The following SDCBP2 variants were observed in gnomAD, a reference collection of about 807,000 sequenced individuals.
SDCBP2 encodes the protein syntenin-2.
SDCBP2 carries 28 observed loss-of-function variants against 30.7 expected under a neutral mutation model. The observed-to-expected ratio is 0.91, with a 90% CI of 0.68 to 1.25. The LOEUF (loss-of-function observed/expected upper bound fraction) is 1.25. Ranked by LOEUF, SDCBP2 falls within the 50% of genes most tolerant of loss-of-function variation. The pLI is 0.00. For synonymous variants in SDCBP2, 166 were observed against 157.3 expected, an observed-to-expected ratio of 1.06 and a Z score of -0.41; for missense variants, 399 against 379.0, an observed-to-expected ratio of 1.05 and a Z score of -0.44.
chr20:1,316,357 C>CA lies in SDCBP2; in HGVS notation c.225+1960dup, dbSNP rs369436497. Among the ~76,000 whole-genome samples the CA allele has an allele frequency of 8.5e-5, 13 of 152,202 alleles. No homozygotes were observed. The East Asian group carries it at 2.3e-3, about 27-fold the overall frequency. ...TGGAGCACTCATGTATTGCTCACGGCAAAATAAAATGGTATAGCCACTCCA... is the reference window on the plus strand; with the variant it reads ...TGGAGCACTCATGTATTGCTCACGGCAAAAATAAAATGGTATAGCCACTCCA... On this transcript the variant is annotated intron_variant, in intron 4 of 8. Coordinates refer to ENST00000360779, the MANE Select transcript of SDCBP2 (RefSeq NM_080489.5).
intron 3 of SDCBP2, among the ~76,000 whole-genome samples, 164 bp from the exon 4 acceptor site, chr20:1,318,582 C>T (rs534353828): frequency 3.9e-5 from 6 of 152,284 alleles, no homozygotes; most frequent in East Asian, 3.9e-4. Context: ...CACTGATGAG[C>T]GCTCCTCAGA....
chr20:1,313,210 G>A lies in SDCBP2; in HGVS notation c.384+130C>T. The A allele has an allele frequency of 2.0e-6, 2 of 988,424 alleles. No homozygotes were observed. Among genetic ancestry groups the A allele is most frequent in the Non-Finnish European group, 3.0e-6 (2 of 665,200 alleles). The allele number at this position is 988,424 out of a possible 1,614,324, so 61.2% of individuals were successfully genotyped here. ...CGGGGAGGAGGGACTGGGGGCAAGAGCCTGGCCGCTGGGGTTAGGAGGCCC... is the reference window on the plus strand; with the variant it reads ...CGGGGAGGAGGGACTGGGGGCAAGAACCTGGCCGCTGGGGTTAGGAGGCCC... On this transcript the variant is annotated intron_variant, in intron 5 of 8. Transcript: ENST00000360779. This position sits in a 1 kb window ranked among gnomAD's most constrained non-coding sequence, Gnocchi z 5.2.
At position 1,320,318 on chromosome 20, in the gene SDCBP2, A is replaced by C. The variant is rs1555783822; in HGVS notation, c.54+45T>G. 1 of 1,579,684 alleles carries C rather than the reference A, an allele frequency of 6.3e-7. No individual in the cohort carries two copies. Among genetic ancestry groups the C allele is most frequent in the South Asian group, 1.1e-5 (1 of 89,308 alleles). ...CCAGCACCTTCCAGGGTAATCCCCA[A>C]GGTCCCCTTCAGGGAATCCAGGCCA... On this transcript the variant is annotated intron_variant, in intron 2 of 8. Transcript: ENST00000360779. This position sits in a 1 kb window ranked among gnomAD's most constrained non-coding sequence, Gnocchi z 4.7.
Position 1,310,874 on chromosome 20 carries a change from C to G in SDCBP2, c.750G>C (p.Glu250Asp). 4 of 1,614,000 alleles carry G rather than the reference C, an allele frequency of 2.5e-6. No individual in the cohort carries two copies. Among genetic ancestry groups the G allele is most frequent in the Non-Finnish European group, 3.4e-6 (4 of 1,179,904 alleles). ...VIGLKDKKIM[E>D]ILATAGNVVT... ...CAACGTTCCCAGCCGTGGCCAGAAT[C>G]TCCATGATCTTTTTGTCCTAGGGAG... is the stretch of plus-strand genomic sequence containing the variant. Residue 250 changes from glutamate (E) to aspartate (D), a missense_variant, in exon 8 of 9, where the codon GAG becomes GAC. Coordinates refer to ENST00000360779, the MANE Select transcript of SDCBP2 (RefSeq NM_080489.5).
rs140856684 is a variant in SDCBP2, at chr20:1,311,680, T to G, written c.732+657A>C. Among the ~76,000 whole-genome samples the G allele has an allele frequency of 3.6e-3, 548 of 152,290 alleles. 6 individuals carry two copies. Among genetic ancestry groups the G allele is most frequent in the African/African-American group, 0.012 (508 of 41,556 alleles). ...TGAAAAGACAAACGATCTCAAGAAG[T>G]GTGGCTGGCTGGGACAAACCCAGTT... On this transcript the variant is annotated intron_variant, in intron 7 of 8. Coordinates refer to ENST00000360779, the MANE Select transcript of SDCBP2 (RefSeq NM_080489.5).
chr20:1,320,205 C>T lies in SDCBP2; in HGVS notation c.54+158G>A, dbSNP rs919847594. 1.3e-5 allele frequency among the ~76,000 whole-genome samples: 2 copies of T among 152,212 alleles called. No homozygotes were observed. The highest frequency in any genetic ancestry group is 4.8e-5 in the African/African-American group (2 of 41,458). Reference sequence around the variant, plus strand: ...CTTGCTGTAACGCCATTGGCATTGCCCCCTGGATGTCTTCTCTGCCCAGCA... The same window carrying T: ...CTTGCTGTAACGCCATTGGCATTGCTCCCTGGATGTCTTCTCTGCCCAGCA... On this transcript the variant is annotated intron_variant, in intron 2 of 8. Transcript: ENST00000360779. This position sits in a 1 kb window ranked among gnomAD's most constrained non-coding sequence, Gnocchi z 4.7.
At chr20:1,323,370 G>A (rs75372871) in intron 1 of SDCBP2, 2 of 152,148 alleles carry the variant, frequency 1.3e-5, no homozygotes, top group African/African-American at 4.8e-5. Flanking sequence ...CAGCAGATGC[G>A]AAAATAAGCA....
At chr20:1,328,083 G>C (rs2088956593) in intron 1 of SDCBP2, among the ~76,000 whole-genome samples, 1 of 152,136 alleles carries the variant, frequency 6.6e-6, no homozygotes, top group Admixed American at 6.5e-5. Flanking sequence ...TAATGGGGTG[G>C]GCACGGCCAT....
intron 4 of SDCBP2, among the ~76,000 whole-genome samples, chr20:1,314,231 G>A (rs1311257558): frequency 6.6e-6 from 1 of 152,152 alleles, no homozygotes; most frequent in Non-Finnish European, 1.5e-5. Context: ...GCTCATGCCT[G>A]TAGTCCCAGC....
chr20:1,322,034 C>A (rs1366230813), intron 1 of SDCBP2: 1 of 152,248 alleles, frequency 6.6e-6, no homozygotes, highest in Non-Finnish European at 1.5e-5. Context: ...CCCTAGTCTA[C>A]CTCTCCAGCT....
intron 7 of SDCBP2, chr20:1,311,176 T>G (rs561241539): frequency 5.4e-6 from 2 of 367,642 alleles, no homozygotes; most frequent in South Asian, 1.1e-4. Context: ...GGTGTGAGCC[T>G]GACGCGTAAC....
chr20:1,316,111 G>C (rs555612335), intron 4 of SDCBP2, among the ~76,000 whole-genome samples: 17 of 151,900 alleles, frequency 1.1e-4, no homozygotes, highest in Non-Finnish European at 2.2e-4. Flanking sequence ...CAAAAAACAA[G>C]AAGAAGAAAA....
At position 1,313,565 on chromosome 20, in the gene SDCBP2, G is replaced by A; in HGVS notation, c.226-67C>T. On this transcript the variant is annotated intron_variant, in intron 4 of 8. Transcript: ENST00000360779. This position sits in a 1 kb window ranked among gnomAD's most constrained non-coding sequence, Gnocchi z 5.2. The stretch of plus-strand genomic sequence containing the variant: ...GACCCTGTGCCTCAGGAGACACTGG[G>A]GTGGGGGTAGGGATGGGGAAAGGAG... 1 of 1,485,358 alleles carries A rather than the reference G, an allele frequency of 6.7e-7. No individual in the cohort carries two copies. Among genetic ancestry groups the A allele is most frequent in the Non-Finnish European group, 8.9e-7 (1 of 1,119,322 alleles). The allele number at this position is 1,485,358 out of a possible 1,614,324, so 92.0% of individuals were successfully genotyped here. A position where few individuals can be genotyped will look rare whatever the true frequency, so the allele number is the denominator to read the frequency against.
chr20:1,314,398 A>AATT (rs947319136), intron 4 of SDCBP2, among the ~76,000 whole-genome samples: 5 of 148,048 alleles, frequency 3.4e-5, no homozygotes, highest in African/African-American at 1.2e-4. Context: ...GAGGCAGGAG[A>AATT]ATTACATGAA....
rs1193268172 is a variant in SDCBP2 at position 1,312,829 on chromosome 20, CTGT to C, written c.385-70_385-68del. 49 of 1,487,602 alleles carry C rather than the reference CTGT, an allele frequency of 3.3e-5. No homozygotes were observed. The Middle Eastern group carries it at 5.3e-4, about 16-fold the overall frequency. The allele number at this position is 1,487,602 out of a possible 1,614,324, so 92.2% of individuals were successfully genotyped here. A position where few individuals can be genotyped will look rare whatever the true frequency, so the allele number is the denominator to read the frequency against. On this transcript the variant is annotated intron_variant, in intron 5 of 8. Transcript: ENST00000360779. Reference sequence around the variant, plus strand: ...CCTAGGCACAGATCCCTCTTCCAACCTGTTGTTTTCCTCCTGATACTCCAGGAA... The same window carrying C: ...CCTAGGCACAGATCCCTCTTCCAACCTGTTTTCCTCCTGATACTCCAGGAA...
In SDCBP2 at chr20:1,312,629, T is replaced by C; in HGVS notation, c.518A>G (p.Lys173Arg). 1 of 1,614,116 alleles carries C rather than the reference T, an allele frequency of 6.2e-7. No homozygotes were observed. The highest frequency in any genetic ancestry group is 8.5e-7 in the Non-Finnish European group (1 of 1,180,012). Residue 173 changes from lysine to arginine, a missense_variant, in exon 6 of 9, where the codon AAG (lysine) becomes AGG (arginine). By Grantham distance (26) the Lys-to-Arg change is conservative. Coordinates refer to ENST00000360779, the MANE Select transcript of SDCBP2 (RefSeq NM_080489.5). ...GACAATCTTATCGCCTGATGCCTTC[T>C]TCACCACCTGATGGGCTTTGTGCGA... Reference protein sequence around the residue: ...WSSHKAHQVVKKASGDKIVVV... With the variant: ...WSSHKAHQVVRKASGDKIVVV...
At chr20:1,317,246 T>C (rs2088790762) in intron 4 of SDCBP2, among the ~76,000 whole-genome samples, 1 of 152,222 alleles carries the variant, frequency 6.6e-6, no homozygotes, top group East Asian at 1.9e-4. Flanking sequence ...GTAAGACTCC[T>C]GGTTTTGATA....
chr20:1,327,099 A>G (rs2088938660), intron 1 of SDCBP2, among the ~76,000 whole-genome samples: 1 of 152,180 alleles, frequency 6.6e-6, no homozygotes, highest in African/African-American at 2.4e-5. Context: ...CCCACAAGTA[A>G]TTGGTTCCTC....
At chr20:1,310,767 G>A (rs1267066112) in intron 8 of SDCBP2, 33 bp downstream of exon 8, 1 of 1,531,764 alleles carries the variant, frequency 6.5e-7, no homozygotes, top group Non-Finnish European at 9.0e-7. Flanking sequence ...GCAGAGGAGG[G>A]GTGAGGAGGG....
Sources: gnomAD v4.1 joint callset for allele counts (sites outside exome capture counted in the v4.1 genomes callset) on GRCh38, gnomAD v4.1.1 for gene constraint, Gnocchi (gnomAD v3.1) non-coding constraint, MANE v1.5 for transcripts, NCBI Gene and HGNC (gene_info 2026-07-23, HGNC 2026-07-21) for gene names.